PDE1C: variants seen among roughly 807,000 people sequenced by gnomAD.
PDE1C encodes phosphodiesterase 1C.
In PDE1C, 62 loss-of-function variants were observed where a neutral mutation model predicts 93.1. The ratio of observed to expected loss-of-function variants is 0.67; its 90% CI spans 0.54 to 0.82. The LOEUF (loss-of-function observed/expected upper bound fraction) is 0.82. Among genes scored for constraint, PDE1C ranks in the 40% least tolerant of loss-of-function variants. The pLI is 0.00. For missense variants in PDE1C, 742 were observed against 884.6 expected, an observed-to-expected ratio of 0.84 and a Z score of 2.04; for synonymous variants, 325 against 310.1, an observed-to-expected ratio of 1.05 and a Z score of -0.50.
At chr7:31,887,515 T>C (rs1254241047) in intron 2 of PDE1C, among the ~76,000 whole-genome samples, 1 of 152,202 alleles carries the variant, frequency 6.6e-6, no homozygotes, top group Non-Finnish European at 1.5e-5. Context: ...TTCTATACTT[T>C]TATATGCCTC....
At chr7:31,850,192 G>A (rs1793158568) in intron 8 of PDE1C, among the ~76,000 whole-genome samples, 1 of 152,062 alleles carries the variant, frequency 6.6e-6, no homozygotes, top group Non-Finnish European at 1.5e-5. Flanking sequence ...AAATCAGAGA[G>A]GATGAGAAGA....
At chr7:31,816,208 C>A (rs978979033) in intron 14 of PDE1C, 54 bp from the exon 15 acceptor site, 2 of 1,523,354 alleles carry the variant, frequency 1.3e-6, no homozygotes, top group Non-Finnish European at 1.8e-6. Context: ...GAGGTCATGC[C>A]GTTAGGAGAA....
At chr7:32,348,356 C>CT (rs59148183) in intron 1 of PDE1C, among the ~76,000 whole-genome samples, 23,551 of 57,214 alleles carry the variant, frequency 0.41, 9,612 homozygotes, top group Non-Finnish European at 0.55. Flanking sequence ...AACAAATGTG[C>CT]TTTTTTTTTT....
At chr7:32,033,671 G>T (rs1007237903) in intron 2 of PDE1C, among the ~76,000 whole-genome samples, 1 of 151,864 alleles carries the variant, frequency 6.6e-6, no homozygotes, top group Non-Finnish European at 1.5e-5. Context: ...CTCTCTGTTG[G>T]CTACCTCCTT....
chr7:32,048,411 C>A (rs1028045178), intron 2 of PDE1C, among the ~76,000 whole-genome samples: 2 of 151,926 alleles, frequency 1.3e-5, no homozygotes, highest in Non-Finnish European at 2.9e-5. Context: ...ACCTAAGAAA[C>A]CAGACAAGTG....
intron 1 of PDE1C, among the ~76,000 whole-genome samples, chr7:32,424,709 G>A (rs2128100653): frequency 6.6e-6 from 1 of 152,294 alleles, no homozygotes; most frequent in East Asian, 1.9e-4. Flanking sequence ...CTACTCAGGA[G>A]GCTGAAATAG....
At chr7:32,341,301 G>A (rs111727606) in intron 1 of PDE1C, among the ~76,000 whole-genome samples, 7 of 140,304 alleles carry the variant, frequency 5.0e-5, no homozygotes, top group African/African-American at 1.8e-4. Flanking sequence ...TCAGCCTCCC[G>A]AGTAGCTGGG....
At chr7:32,119,746 A>G (rs573211256) in intron 3 of PDE1C, among the ~76,000 whole-genome samples, 1 of 152,280 alleles carries the variant, frequency 6.6e-6, no homozygotes, top group South Asian at 2.1e-4. Context: ...CTACCCAGCC[A>G]TGCAACCCAT....
At chr7:32,006,735 A>T (rs945805021) in intron 2 of PDE1C, among the ~76,000 whole-genome samples, 4 of 152,246 alleles carry the variant, frequency 2.6e-5, no homozygotes, top group Non-Finnish European at 5.9e-5. Flanking sequence ...TGATGCTGGC[A>T]AAGAGCTGCA....
chr7:32,147,063 C>T (rs1800883180), intron 3 of PDE1C, among the ~76,000 whole-genome samples: 3 of 151,306 alleles, frequency 2.0e-5, no homozygotes. Context: ...GAAGTCATCG[C>T]TAAGTAAATT....
chr7:32,010,386 TG>T (rs2128584775), intron 2 of PDE1C, among the ~76,000 whole-genome samples: 1 of 152,286 alleles, frequency 6.6e-6, no homozygotes, highest in East Asian at 1.9e-4. Flanking sequence ...AGCAATTCAA[TG>T]GAGAAAGATA....
intron 17 of PDE1C, among the ~76,000 whole-genome samples, chr7:31,763,586 G>A (rs1562755372): frequency 6.6e-6 from 1 of 152,178 alleles, no homozygotes; most frequent in Non-Finnish European, 1.5e-5. Flanking sequence ...AATGAGAATA[G>A]TAACTGCCTT....
intron 2 of PDE1C, among the ~76,000 whole-genome samples, chr7:31,893,170 G>A (rs1004773363): frequency 3.9e-5 from 6 of 152,196 alleles, no homozygotes; most frequent in Non-Finnish European, 7.3e-5. Context: ...AAGTTGGGGT[G>A]TGAAAACACA....
chr7:32,419,354 A>G (rs532655149), intron 1 of PDE1C, among the ~76,000 whole-genome samples: 28 of 152,370 alleles, frequency 1.8e-4, no homozygotes, highest in Middle Eastern at 3.4e-3. Flanking sequence ...AATAGTAGGT[A>G]TAGAGAACAA....
intron 3 of PDE1C, among the ~76,000 whole-genome samples, chr7:32,083,533 C>T (rs1310366062): frequency 6.6e-6 from 1 of 151,950 alleles, no homozygotes; most frequent in African/African-American, 2.4e-5. Flanking sequence ...AAGAGCAACT[C>T]CAAGACACAT....
chr7:32,270,897 G>A (rs1810913436), intron 1 of PDE1C, among the ~76,000 whole-genome samples: 6 of 152,162 alleles, frequency 3.9e-5, no homozygotes, highest in Middle Eastern at 3.4e-3. Flanking sequence ...TTGGGAGGCC[G>A]AGGCAGGCAG....
At chr7:32,385,565 G>A (rs1784608937) in intron 1 of PDE1C, among the ~76,000 whole-genome samples, 1 of 152,232 alleles carries the variant, frequency 6.6e-6, no homozygotes, top group Non-Finnish European at 1.5e-5. Context: ...CACAGAAGCT[G>A]GTAGGAAGCC....
At chr7:31,695,719 A>T in the PDE1C span, 1 of 1,332,990 alleles carries the variant, frequency 7.5e-7, no homozygotes. Flanking sequence ...CAGGTATTTT[A>T]AAGTAATTTG....
At chr7:31,720,941 A>C in the PDE1C span, among the ~76,000 whole-genome samples, 1 of 152,192 alleles carries the variant, frequency 6.6e-6, no homozygotes, top group African/African-American at 2.4e-5. Context: ...CTGCAGATAT[A>C]ATTTCAGAGA....
Sources: allele counts gnomAD v4.1 joint callset (sites outside exome capture counted in the v4.1 genomes callset), GRCh38; gene constraint gnomAD v4.1.1; transcripts MANE v1.5; gene names NCBI Gene and HGNC (gene_info 2026-07-23, HGNC 2026-07-21).